Variants in PACRGL observed in about 807,000 individuals in gnomAD.
PACRGL encodes PACRG-like protein.
PACRGL carries 38 observed loss-of-function variants against 34.5 expected under a neutral mutation model. That is an observed-to-expected ratio of 1.10 (90% CI 0.85 to 1.44). The LOEUF is 1.44. Ranked by LOEUF, PACRGL falls within the 40% of genes most tolerant of loss-of-function variation. The probability of loss-of-function intolerance (pLI) is 0.00; values close to 1 mark genes in which losing one functional copy is unlikely to be tolerated. For synonymous variants in PACRGL, 128 were observed against 100.1 expected, an observed-to-expected ratio of 1.28 and a Z score of -1.66; for missense variants, 305 against 281.4, an observed-to-expected ratio of 1.08 and a Z score of -0.60.
chr4:20,742,760 A>G (rs1192356376), intron 8 of PACRGL, among the ~76,000 whole-genome samples: 1 of 152,188 alleles, frequency 6.6e-6, no homozygotes, highest in Non-Finnish European at 1.5e-5. Flanking sequence ...AATTAGGGAA[A>G]GAAGAAGTCA....
At chr4:20,703,188 A>G (rs2322640) in intron 1 of PACRGL, among the ~76,000 whole-genome samples, 151,942 of 152,330 alleles carry the variant, frequency 1, 75,778 homozygotes, top group Middle Eastern at 1. Context: ...TATTTGAAAA[A>G]GTGTCATTTG....
the PACRGL span, among the ~76,000 whole-genome samples, chr4:20,761,697 G>A: frequency 1.3e-5 from 2 of 152,132 alleles, no homozygotes; most frequent in Non-Finnish European, 2.9e-5. Context: ...GCTGCCTTCA[G>A]TCTCTAGATA....
intron 8 of PACRGL, among the ~76,000 whole-genome samples, chr4:20,744,270 A>G (rs1028152734): frequency 6.6e-6 from 1 of 152,234 alleles, no homozygotes; most frequent in Non-Finnish European, 1.5e-5. Context: ...TATACACCCA[A>G]AGGATTATAA....
Position 20,728,318 on chromosome 4 carries a change from A to C in PACRGL, c.*977A>C, listed in dbSNP as rs549898429. The C allele has an allele frequency of 6.6e-6, 1 of 152,346 alleles. No individual in the cohort carries two copies. The highest frequency in any genetic ancestry group is 1.9e-4 in the East Asian group (1 of 5,182). The allele number at this position is 152,346 out of a possible 1,614,324, so 9.4% of individuals were successfully genotyped here. A position where few individuals can be genotyped will look rare whatever the true frequency, so the allele number is the denominator to read the frequency against. ...GCCAGAAAATACTGATGTTCACTTA[A>C]AGATATTCAGCAATTAAAATGTTAA... On this transcript the variant is annotated 3_prime_UTR_variant, in exon 9 of 9. Transcript: ENST00000503585.
At chr4:20,739,262 G>A (rs1340731487) in intron 8 of PACRGL, among the ~76,000 whole-genome samples, 1 of 152,214 alleles carries the variant, frequency 6.6e-6, no homozygotes, top group African/African-American at 2.4e-5. Flanking sequence ...TTTGAGATCT[G>A]AGAACAGACA....
At chr4:20,750,070 G>A (rs1753316155) in intron 8 of PACRGL, among the ~76,000 whole-genome samples, 1 of 152,164 alleles carries the variant, frequency 6.6e-6, no homozygotes, top group Admixed American at 6.5e-5. Context: ...TTAGTGTTTG[G>A]AAGAGACCAT....
At chr4:20,723,028 A>G (rs1744083972) in intron 7 of PACRGL, among the ~76,000 whole-genome samples, 2 of 152,160 alleles carry the variant, frequency 1.3e-5, no homozygotes, top group South Asian at 4.1e-4. Context: ...CCTAGGAACT[A>G]CCTGGTTAAT....
intron 1 of PACRGL, among the ~76,000 whole-genome samples, chr4:20,703,477 A>T (rs943229280): frequency 2.8e-5 from 4 of 141,458 alleles, no homozygotes; most frequent in Non-Finnish European, 4.6e-5. Flanking sequence ...TGGGTATATG[A>T]GTGTGTGTGT....
At chr4:20,762,142 T>C in the PACRGL span, among the ~76,000 whole-genome samples, 1 of 152,214 alleles carries the variant, frequency 6.6e-6, no homozygotes, top group African/African-American at 2.4e-5. Flanking sequence ...GATTAGCAGA[T>C]TCAGTGCTTG....
At chr4:20,751,604 T>A (rs1432326598) in intron 8 of PACRGL, among the ~76,000 whole-genome samples, 1 of 152,148 alleles carries the variant, frequency 6.6e-6, no homozygotes, top group Non-Finnish European at 1.5e-5. Context: ...GTTACCCTGT[T>A]TTCACAATCA....
Position 20,727,316 on chromosome 4 carries a change from CAACATACT to C in PACRGL, c.723_730del (p.Thr242LeufsTer47). On this transcript the variant is annotated frameshift_variant, in exon 9 of 9. Transcript: ENST00000503585. LOFTEE classifies it high-confidence loss of function. Reference sequence around the variant, plus strand: ...CTTAGCATCATCAAATCTAAAATTCCAACATACTGCTCCATATGCTGTTGAAGAAGGGA... The same window carrying C: ...CTTAGCATCATCAAATCTAAAATTCCGCTCCATATGCTGTTGAAGAAGGGA... The C allele has an allele frequency of 6.2e-7, 1 of 1,612,942 alleles. No individual in the cohort carries two copies. The highest frequency in any genetic ancestry group is 8.5e-7 in the Non-Finnish European group (1 of 1,179,220).
intron 7 of PACRGL, among the ~76,000 whole-genome samples, chr4:20,723,923 A>G (rs910537574): frequency 3.9e-5 from 6 of 152,244 alleles, no homozygotes; most frequent in Middle Eastern, 3.4e-3. Context: ...ATGAGGTGCT[A>G]TCGGATCCCC....
Position 20,727,419 on chromosome 4 carries a change from T to C in PACRGL, c.*78T>C. On this transcript the variant is annotated 3_prime_UTR_variant, in exon 9 of 9. Coordinates refer to ENST00000503585, the MANE Select transcript of PACRGL (RefSeq NM_001258345.3). ...AACTGTGGGTACTCATTTATTTTAT[T>C]CTTTTGTAAATCACAGCCACCATTC... 1 of 1,231,106 alleles carries C rather than the reference T, an allele frequency of 8.1e-7. No homozygotes were observed. Among genetic ancestry groups the C allele is most frequent in the South Asian group, 1.3e-5 (1 of 79,288 alleles). The allele number at this position is 1,231,106 out of a possible 1,614,324, so 76.3% of individuals were successfully genotyped here. A position where few individuals can be genotyped will look rare whatever the true frequency, so the allele number is the denominator to read the frequency against.
chr4:20,702,042 T>G, intron 1 of PACRGL: 1 of 437,724 alleles, frequency 2.3e-6, no homozygotes. Context: ...ACTCATAAAC[T>G]GTAGAAGCTC....
chr4:20,756,040 G>A (rs1032857752), downstream of PACRGL, among the ~76,000 whole-genome samples: 11 of 152,052 alleles, frequency 7.2e-5, no homozygotes, highest in South Asian at 2.1e-4. Context: ...GCATTTTAAC[G>A]GGATCACTCT....
the PACRGL span, among the ~76,000 whole-genome samples, chr4:20,760,901 G>A: frequency 6.2e-4 from 94 of 152,254 alleles, no homozygotes; most frequent in African/African-American, 2.2e-3. Context: ...AACTTCTCTG[G>A]GCCATAGTGT....
At chr4:20,721,882 G>A (rs1166826088) in intron 7 of PACRGL, among the ~76,000 whole-genome samples, 3 of 152,216 alleles carry the variant, frequency 2.0e-5, no homozygotes, top group Admixed American at 6.5e-5. Flanking sequence ...GTCTGCAGAG[G>A]TTTCTGCTGC....
Position 20,730,673 on chromosome 4 carries a change from C to G in PACRGL, c.*3332C>G, listed in dbSNP as rs2149253051. On this transcript the variant is annotated 3_prime_UTR_variant, in exon 9 of 9. Transcript: ENST00000503585. ...GCTAAAGCTGCATGGCCTGAAGGAG[C>G]CTTTAAAAATGAATGGTCTCTCAAT... Among the ~76,000 whole-genome samples the G allele has an allele frequency of 6.6e-6, 1 of 152,230 alleles. No individual in the cohort carries two copies. The highest frequency in any genetic ancestry group is 1.9e-4 in the East Asian group (1 of 5,174).
At position 20,732,545 on chromosome 4, in the gene PACRGL, A is replaced by G. The variant is rs1748574487; in HGVS notation, c.*5204A>G. 6.0e-6 allele frequency: 4 copies of G among 667,658 alleles called. No individual in the cohort carries two copies. Among genetic ancestry groups the G allele is most frequent in the African/African-American group, 5.5e-5 (3 of 54,708 alleles). The allele number at this position is 667,658 out of a possible 1,614,324, so 41.4% of individuals were successfully genotyped here. On this transcript the variant is annotated 3_prime_UTR_variant, in exon 9 of 9. Transcript: ENST00000503585. ...ATTCAAAACCAAAGCTATTAAATTA[A>G]TAGGATGCTAAATACTGTTTTGTTT...
Sources: allele counts gnomAD v4.1 joint callset (sites outside exome capture counted in the v4.1 genomes callset), GRCh38; gene constraint gnomAD v4.1.1; transcripts MANE v1.5; gene names NCBI Gene and HGNC (gene_info 2026-07-23, HGNC 2026-07-21).